FHIT: variants seen among roughly 807,000 people sequenced by gnomAD.
FHIT encodes fragile histidine triad diadenosine triphosphatase.
In FHIT, 19 loss-of-function variants were observed where a neutral mutation model predicts 17.9. That is an observed-to-expected ratio of 1.06 (90% CI 0.74 to 1.56). The LOEUF (loss-of-function observed/expected upper bound fraction) is 1.56. FHIT is among the 40% of genes most tolerant of loss of function. The pLI is 0.00. For missense variants in FHIT, 248 were observed against 189.2 expected, an observed-to-expected ratio of 1.31 and a Z score of -1.82; for synonymous variants, 81 against 69.7, an observed-to-expected ratio of 1.16 and a Z score of -0.81.
intron 2 of FHIT, among the ~76,000 whole-genome samples, chr3:61,115,015 G>A (rs2036259019): frequency 6.6e-6 from 1 of 152,168 alleles, no homozygotes; most frequent in South Asian, 2.1e-4. Flanking sequence ...CAGTCCAGTA[G>A]ACTAGTGGAG....
intron 5 of FHIT, among the ~76,000 whole-genome samples, chr3:60,531,514 G>A (rs1053987149): frequency 1.3e-5 from 2 of 151,944 alleles, no homozygotes; most frequent in Non-Finnish European, 1.5e-5. Flanking sequence ...TCCTGACCTC[G>A]TGATCCGCCC....
chr3:60,347,128 G>A (rs556601633), intron 5 of FHIT, among the ~76,000 whole-genome samples: 9 of 151,828 alleles, frequency 5.9e-5, no homozygotes, highest in South Asian at 2.1e-4. Context: ...TGTTTTGGTC[G>A]TGAAACATTA....
At chr3:59,921,602 C>T (rs529628525) in intron 8 of FHIT, among the ~76,000 whole-genome samples, 3 of 152,294 alleles carry the variant, frequency 2.0e-5, no homozygotes, top group African/African-American at 7.2e-5. Flanking sequence ...TCTGCTCTAC[C>T]GTGTGGGGGA....
chr3:60,297,970 G>A (rs1030625424), intron 5 of FHIT, among the ~76,000 whole-genome samples: 1 of 152,058 alleles, frequency 6.6e-6, no homozygotes, highest in African/African-American at 2.4e-5. Context: ...TCATGTTCAA[G>A]AAATTTGGTA....
chr3:60,160,825 TGACAGAGAGA>T (rs1346027380), intron 5 of FHIT, among the ~76,000 whole-genome samples: 4 of 124,862 alleles, frequency 3.2e-5, no homozygotes, highest in African/African-American at 1.1e-4. Flanking sequence ...TGTGTGAGTG[TGACAGAGAGA>T]GAGAGAGAGA....
At chr3:61,185,068 C>T (rs1227156954) in intron 2 of FHIT, among the ~76,000 whole-genome samples, 1 of 152,126 alleles carries the variant, frequency 6.6e-6, no homozygotes, top group Non-Finnish European at 1.5e-5. Context: ...TATAAATAGA[C>T]TTTTTCCCCC....
At chr3:61,210,392 C>T (rs1051477534) in intron 1 of FHIT, among the ~76,000 whole-genome samples, 4 of 152,164 alleles carry the variant, frequency 2.6e-5, no homozygotes, top group Non-Finnish European at 4.4e-5. Flanking sequence ...TGTCTGTGCC[C>T]GGCCCCCAGA....
chr3:60,286,197 C>A (rs1707720760), intron 5 of FHIT, among the ~76,000 whole-genome samples: 3 of 152,282 alleles, frequency 2.0e-5, no homozygotes, highest in Middle Eastern at 3.4e-3. Context: ...ATCTGGAACA[C>A]CACAATGAAC....
chr3:60,586,385 C>G (rs1343471551), intron 4 of FHIT, among the ~76,000 whole-genome samples: 1 of 151,954 alleles, frequency 6.6e-6, no homozygotes, highest in African/African-American at 2.4e-5. Context: ...AAAACAACAA[C>G]AAAAACCTGA....
intron 2 of FHIT, among the ~76,000 whole-genome samples, chr3:61,087,488 C>T (rs1031976029): frequency 6.6e-6 from 1 of 152,088 alleles, no homozygotes; most frequent in African/African-American, 2.4e-5. Flanking sequence ...ATGGTAGAAT[C>T]CATTCGATAA....
chr3:60,493,935 TG>T (rs2034178637), intron 5 of FHIT, among the ~76,000 whole-genome samples: 1 of 152,120 alleles, frequency 6.6e-6, no homozygotes, highest in Non-Finnish European at 1.5e-5. Context: ...GTTAAGACTT[TG>T]CATTAGAATT....
intron 3 of FHIT, among the ~76,000 whole-genome samples, chr3:60,894,691 C>CA (rs1705698501): frequency 6.6e-6 from 1 of 151,380 alleles, no homozygotes; most frequent in Non-Finnish European, 1.5e-5. Context: ...AAAAAACAAA[C>CA]AAAAAAACAA....
chr3:59,860,715 G>C (rs539133317), intron 8 of FHIT, among the ~76,000 whole-genome samples: 2 of 152,288 alleles, frequency 1.3e-5, no homozygotes, highest in East Asian at 1.9e-4. Context: ...TACATAAATA[G>C]TTCTAATACA....
intron 5 of FHIT, among the ~76,000 whole-genome samples, chr3:60,177,361 C>G (rs111876481): frequency 2.0e-5 from 3 of 151,108 alleles, no homozygotes; most frequent in African/African-American, 7.3e-5. Flanking sequence ...GGCAAAAGTA[C>G]TAGCACAACT....
chr3:60,598,070 G>A (rs916701763), intron 4 of FHIT, among the ~76,000 whole-genome samples: 1 of 152,052 alleles, frequency 6.6e-6, no homozygotes, highest in Non-Finnish European at 1.5e-5. Context: ...AGTATAAAAA[G>A]GTCTGGAAAG....
At chr3:60,018,811 C>A (rs1472052767) in intron 5 of FHIT, among the ~76,000 whole-genome samples, 1 of 145,550 alleles carries the variant, frequency 6.9e-6, no homozygotes, top group Non-Finnish European at 1.5e-5. Context: ...AACCCCATCT[C>A]TACTAAAAAT....
chr3:61,025,291 G>A (rs999911986), intron 3 of FHIT, among the ~76,000 whole-genome samples: 1 of 152,154 alleles, frequency 6.6e-6, no homozygotes, highest in Non-Finnish European at 1.5e-5. Context: ...AAGGCTAAAC[G>A]TTTCACTGAT....
intron 5 of FHIT, among the ~76,000 whole-genome samples, chr3:60,359,357 T>C (rs1306588311): frequency 7.0e-6 from 1 of 143,628 alleles, no homozygotes; most frequent in Non-Finnish European, 1.5e-5. Flanking sequence ...CTTGGCTCAA[T>C]GCAACCTCCG....
chr3:60,258,065 T>TACATACACAC (rs369394997), intron 5 of FHIT, among the ~76,000 whole-genome samples: 1 of 144,490 alleles, frequency 6.9e-6, no homozygotes, highest in Non-Finnish European at 1.5e-5. Context: ...GGAAATTAAA[T>TACATACACAC]ACACACACAC....
Sources: gnomAD v4.1 joint callset for allele counts (sites outside exome capture counted in the v4.1 genomes callset) on GRCh38, gnomAD v4.1.1 for gene constraint, MANE v1.5 for transcripts, NCBI Gene and HGNC (gene_info 2026-07-23, HGNC 2026-07-21) for gene names.